GLIS3: variants seen among roughly 807,000 people sequenced by gnomAD.
The protein encoded by GLIS3 is zinc finger protein GLIS3.
Under a neutral mutation model 78.6 loss-of-function variants are expected in GLIS3, and 53 were observed. The observed-to-expected ratio is 0.67, with a 90% CI of 0.54 to 0.85. GLIS3 has a LOEUF of 0.85. Ranked by LOEUF, GLIS3 falls within the 40% of genes least tolerant of loss-of-function variation. The probability of loss-of-function intolerance (pLI) is 0.00; values close to 1 mark genes in which losing one functional copy is unlikely to be tolerated. For missense variants in GLIS3, 1,703 were observed against 1,231.1 expected, an observed-to-expected ratio of 1.38 and a Z score of -5.74; for synonymous variants, 684 against 509.9, an observed-to-expected ratio of 1.34 and a Z score of -4.60.
intron 4 of GLIS3, among the ~76,000 whole-genome samples, chr9:3,989,515 C>G (rs1164503476): frequency 6.6e-6 from 1 of 152,108 alleles, no homozygotes; most frequent in African/African-American, 2.4e-5. Context: ...CAGATGTCAA[C>G]TACTGTGGAA....
rs1165728191 is a variant in GLIS3 at position 3,828,096 on chromosome 9, G to A, written c.*176C>T. On this transcript the variant is annotated 3_prime_UTR_variant, in exon 11 of 11. Transcript: ENST00000381971. ...AGAGAGAAAAAGGAGCAACTGTAATGATTCCTGCAAAGCTAGCTCTGCCAT... is the reference window on the plus strand; with the variant it reads ...AGAGAGAAAAAGGAGCAACTGTAATAATTCCTGCAAAGCTAGCTCTGCCAT... 4 of 694,206 alleles carry A rather than the reference G, an allele frequency of 5.8e-6. No individual in the cohort carries two copies. The allele number at this position is 694,206 out of a possible 1,614,324, so 43.0% of individuals were successfully genotyped here.
chr9:4,382,332 G>A, the GLIS3 span, among the ~76,000 whole-genome samples: 2 of 152,186 alleles, frequency 1.3e-5, no homozygotes, highest in African/African-American at 2.4e-5. Flanking sequence ...GAGAGTTAGA[G>A]CATTATTGAA....
intron 2 of GLIS3, among the ~76,000 whole-genome samples, chr9:4,276,101 T>A (rs948875344): frequency 6.6e-6 from 1 of 150,964 alleles, no homozygotes; most frequent in African/African-American, 2.4e-5. Flanking sequence ...CTGAGCAACA[T>A]AGAAAAACCC....
intron 2 of GLIS3, among the ~76,000 whole-genome samples, chr9:4,202,613 A>T (rs1005483953): frequency 6.6e-6 from 1 of 152,148 alleles, no homozygotes; most frequent in Non-Finnish European, 1.5e-5. Context: ...GAAAGTACAA[A>T]AACAGACACA....
At chr9:3,896,384 C>G (rs2130582808) in intron 7 of GLIS3, among the ~76,000 whole-genome samples, 1 of 152,068 alleles carries the variant, frequency 6.6e-6, no homozygotes, top group South Asian at 2.1e-4. Context: ...AGAAGTAGGG[C>G]CCGAGCACAG....
rs571759961 is a variant in GLIS3 at position 4,256,358 on chromosome 9, A to C, written c.388+29680T>G. 5.6e-4 allele frequency among the ~76,000 whole-genome samples: 85 copies of C among 152,350 alleles called. 3 individuals are homozygous for C. Among genetic ancestry groups the C allele is most frequent in the Admixed American group, 4.6e-4 (7 of 15,298 alleles). ...GTTTTAATATTAAGTATGAAATGTTAATTTGCATAAGCTAAGAAAATACCT... is the reference window on the plus strand; with the variant it reads ...GTTTTAATATTAAGTATGAAATGTTCATTTGCATAAGCTAAGAAAATACCT... On this transcript the variant is annotated intron_variant, in intron 2 of 10. Coordinates refer to ENST00000381971, the MANE Select transcript of GLIS3 (RefSeq NM_001042413.2).
intron 2 of GLIS3, among the ~76,000 whole-genome samples, chr9:4,181,982 G>C (rs1817366450): frequency 6.6e-6 from 1 of 152,224 alleles, no homozygotes; most frequent in Non-Finnish European, 1.5e-5. Context: ...TAGCCACTAA[G>C]TTTCAGGGTG....
At chr9:4,302,466 T>A (rs150337938), upstream of GLIS3, among the ~76,000 whole-genome samples, 64 of 152,350 alleles carry the variant, frequency 4.2e-4, no homozygotes, top group Non-Finnish European at 1.8e-4. Flanking sequence ...TTAACACTTG[T>A]AGGCATTGTA....
intron 2 of GLIS3, among the ~76,000 whole-genome samples, chr9:4,257,468 T>G (rs1225401409): frequency 6.6e-6 from 1 of 152,116 alleles, no homozygotes; most frequent in Non-Finnish European, 1.5e-5. Flanking sequence ...GGGAATAGAT[T>G]TTGGGTACTC....
intron 2 of GLIS3, among the ~76,000 whole-genome samples, chr9:4,213,864 T>C (rs957241197): frequency 3.3e-5 from 5 of 150,482 alleles, no homozygotes; most frequent in African/African-American, 4.9e-5. Context: ...GGGTCACAGA[T>C]CAAGTGTCCT....
At chr9:4,334,621 C>A (rs1212992686) in intron 2 of GLIS3, among the ~76,000 whole-genome samples, 1 of 152,238 alleles carries the variant, frequency 6.6e-6, no homozygotes, top group Non-Finnish European at 1.5e-5. Context: ...AACAGCCCAA[C>A]CTGGCCTAGT....
rs570898720 is a variant in GLIS3, at chr9:4,344,605, A to G, written n.264+2476T>C. Among the ~76,000 whole-genome samples the G allele has an allele frequency of 3.3e-5, 5 of 152,284 alleles. No homozygotes were observed. In the East Asian group the frequency reaches 7.7e-4, roughly 23 times the overall value. On this transcript the variant is annotated intron_variant and non_coding_transcript_variant, in intron 2 of 4. Coordinates refer to the GLIS3 transcript ENST00000471664. ...TCTGGCTTTAAATATCATCTATGCT[A>G]ATAACTCCCAAATTTCATTTTCAGT... is the stretch of plus-strand genomic sequence containing the variant.
the GLIS3 span, among the ~76,000 whole-genome samples, chr9:4,374,974 T>C: frequency 6.7e-6 from 1 of 149,202 alleles, no homozygotes; most frequent in Non-Finnish European, 1.5e-5. Context: ...TGCAACAGTT[T>C]GCCGCTAGAT....
chr9:4,183,338 A>C (rs1439958200), intron 2 of GLIS3, among the ~76,000 whole-genome samples: 3 of 152,236 alleles, frequency 2.0e-5, no homozygotes, highest in Non-Finnish European at 4.4e-5. Context: ...AAAGGTTCTG[A>C]AAGGAACCCA....
At chr9:3,841,807 A>G (rs1315355386) in intron 9 of GLIS3, among the ~76,000 whole-genome samples, 1 of 152,182 alleles carries the variant, frequency 6.6e-6, no homozygotes, top group Non-Finnish European at 1.5e-5. Context: ...TATTTTGCCA[A>G]CAGTAAAACC....
At chr9:4,299,217 T>G (rs916169039) in intron 1 of GLIS3, among the ~76,000 whole-genome samples, 1 of 152,192 alleles carries the variant, frequency 6.6e-6, no homozygotes, top group Non-Finnish European at 1.5e-5. Context: ...TCAGTCTCAG[T>G]CAGCGCAGGT....
chr9:4,151,267 C>G (rs1484582794), intron 2 of GLIS3, among the ~76,000 whole-genome samples: 1 of 152,156 alleles, frequency 6.6e-6, no homozygotes, highest in Admixed American at 6.5e-5. Context: ...AAATGTATGA[C>G]TCTTCAGGAG....
In GLIS3 at chr9:4,288,520, C is replaced by T. The variant is rs115915637; in HGVS notation, c.-98-1997G>A. Among the ~76,000 whole-genome samples, 880 of 151,936 alleles carry T rather than the reference C, an allele frequency of 5.8e-3. 14 individuals carry two copies. Among genetic ancestry groups the T allele is most frequent in the African/African-American group, 0.02 (814 of 41,442 alleles). ...TTTTTTTTGGCAGCAAGATCATATA[C>T]GAGCAGGAATTCTCATCAAAAAATC... On this transcript the variant is annotated intron_variant, in intron 1 of 10. Coordinates refer to ENST00000381971, the MANE Select transcript of GLIS3 (RefSeq NM_001042413.2).
At chr9:4,056,708 G>GAC (rs368768492) in intron 4 of GLIS3, among the ~76,000 whole-genome samples, 2 of 151,802 alleles carry the variant, frequency 1.3e-5, no homozygotes, top group African/African-American at 2.4e-5. Flanking sequence ...TATACAGAGT[G>GAC]ACACACACAC....
Sources: gnomAD v4.1 joint callset for allele counts (sites outside exome capture counted in the v4.1 genomes callset) on GRCh38, gnomAD v4.1.1 for gene constraint, MANE v1.5 for transcripts, NCBI Gene and HGNC (gene_info 2026-07-23, HGNC 2026-07-21) for gene names.